RNF141: variants seen among roughly 807,000 people sequenced by gnomAD.
RNF141 encodes C3HC4-like zinc finger protein.
A neutral mutation model predicts 27.4 loss-of-function variants in RNF141; 18 were observed. The ratio of observed to expected loss-of-function variants is 0.66; its 90% CI spans 0.45 to 0.97. RNF141 has a LOEUF of 0.97. Among genes scored for constraint, RNF141 ranks in the 50% least tolerant of loss-of-function variants. RNF141 has a pLI of 0.00. For synonymous variants in RNF141, 97 were observed against 96.6 expected (o/e 1.00, Z -0.02); for missense variants, 230 against 279.4 (o/e 0.82, Z 1.26).
chr11:10,519,012 A>G (rs756787742), intron 5 of RNF141, 22 bp downstream of exon 5: 4 of 1,595,612 alleles, frequency 2.5e-6, no homozygotes, highest in Non-Finnish European at 3.4e-6. Flanking sequence ...GGCCCAGCCC[A>G]TGAATGCAGT....
intron 4 of RNF141, among the ~76,000 whole-genome samples, chr11:10,521,921 A>C (rs1311352732): frequency 1.3e-5 from 2 of 152,330 alleles, no homozygotes; most frequent in East Asian, 3.9e-4. Flanking sequence ...TGTCCTGACA[A>C]GCAAACTACA....
intron 1 of RNF141, among the ~76,000 whole-genome samples, chr11:10,539,338 T>C (rs1850065056): frequency 6.6e-6 from 1 of 152,028 alleles, no homozygotes; most frequent in African/African-American, 2.4e-5. Context: ...AATGACTAAA[T>C]GACAAGTACT....
chr11:10,519,368 AG>A (rs762349256), intron 4 of RNF141, among the ~76,000 whole-genome samples: 22 of 152,212 alleles, frequency 1.4e-4, no homozygotes, highest in Non-Finnish European at 3.1e-4. Context: ...ACTAGATAAA[AG>A]ATACATTTTG....
chr11:10,539,664 A>G (rs1031024178), intron 1 of RNF141, among the ~76,000 whole-genome samples: 1 of 135,726 alleles, frequency 7.4e-6, no homozygotes, highest in African/African-American at 2.8e-5. Flanking sequence ...TCCAGAATCA[A>G]AGATCTTGAT....
chr11:10,523,624 G>GA (rs1305891359), intron 4 of RNF141, among the ~76,000 whole-genome samples: 2 of 152,188 alleles, frequency 1.3e-5, no homozygotes, highest in East Asian at 3.9e-4. Context: ...ATTATAAACT[G>GA]AAAAAACACA....
intron 2 of RNF141, among the ~76,000 whole-genome samples, chr11:10,533,238 A>G (rs1470199069): frequency 6.6e-6 from 1 of 152,194 alleles, no homozygotes; most frequent in African/African-American, 2.4e-5. Context: ...TTAAAAGCAC[A>G]GTGGTCTGGG....
chr11:10,539,569 T>C (rs970812907), intron 1 of RNF141, among the ~76,000 whole-genome samples: 1 of 149,782 alleles, frequency 6.7e-6, no homozygotes, highest in Non-Finnish European at 1.5e-5. Context: ...TAAACAGATA[T>C]CAACTTTTTT....
intron 2 of RNF141, chr11:10,532,039 CTG>C (rs1232474026): frequency 6.7e-6 from 3 of 449,810 alleles, no homozygotes; most frequent in Non-Finnish European, 1.3e-5. Flanking sequence ...AGGAAGACCT[CTG>C]TATCACACAG....
intron 2 of RNF141, among the ~76,000 whole-genome samples, chr11:10,532,183 ATGTCATTGATTAC>A (rs2133974042): frequency 6.6e-6 from 1 of 152,302 alleles, no homozygotes; most frequent in Admixed American, 6.5e-5. Context: ...GGAATGGTAA[ATGTCATTGATTAC>A]TGCTCATAAG....
intron 4 of RNF141, among the ~76,000 whole-genome samples, chr11:10,524,888 T>C (rs999572363): frequency 6.6e-6 from 1 of 152,194 alleles, no homozygotes; most frequent in Non-Finnish European, 1.5e-5. Flanking sequence ...AGAACCTAAA[T>C]ACCTATTATA....
chr11:10,519,437 G>A (rs1288611510), intron 4 of RNF141, among the ~76,000 whole-genome samples: 1 of 152,158 alleles, frequency 6.6e-6, no homozygotes, highest in African/African-American at 2.4e-5. Context: ...AAACAATTTA[G>A]CCCATTTTAA....
At chr11:10,534,325 T>C in intron 1 of RNF141, 120 bp from the exon 2 acceptor site, 2 of 646,808 alleles carry the variant, frequency 3.1e-6, no homozygotes, top group East Asian at 5.5e-5. Flanking sequence ...TAGACCTACA[T>C]GAGTCTAAGG....
At chr11:10,535,219 A>G (rs542655692) in intron 1 of RNF141, among the ~76,000 whole-genome samples, 31 of 152,044 alleles carry the variant, frequency 2.0e-4, no homozygotes, top group African/African-American at 6.5e-4. Flanking sequence ...ATAAAGCTAT[A>G]AATTTAAAAT....
At chr11:10,517,438 T>C (rs528165296) in intron 5 of RNF141, 1 of 152,008 alleles carries the variant, frequency 6.6e-6, no homozygotes, top group Non-Finnish European at 1.5e-5. Context: ...GGAGAGAAGA[T>C]AGAAAAAAAT....
chr11:10,532,124 A>T, intron 2 of RNF141: 1 of 317,166 alleles, frequency 3.2e-6, no homozygotes, highest in South Asian at 2.5e-5. Flanking sequence ...AAAGGGCAAA[A>T]CTTCATACAA....
chr11:10,521,971 T>C (rs16907941), intron 4 of RNF141, among the ~76,000 whole-genome samples: 4,003 of 152,296 alleles, frequency 0.026, 74 homozygotes, highest in African/African-American at 0.057. Context: ...CCAACTGATA[T>C]GGTACTTCAG....
intron 1 of RNF141, among the ~76,000 whole-genome samples, chr11:10,534,725 G>C (rs569974932): frequency 1.3e-5 from 2 of 152,102 alleles, no homozygotes. Flanking sequence ...TTACACAGCT[G>C]TAAGTGGTGA....
rs1176403205 is a variant in RNF141, at chr11:10,513,744, A to G, written c.*1172T>C. 1 of 150,706 alleles carries G rather than the reference A, an allele frequency of 6.6e-6. No homozygotes were observed. Among genetic ancestry groups the G allele is most frequent in the East Asian group, 1.9e-4 (1 of 5,140 alleles). The allele number at this position is 150,706 out of a possible 1,614,324, so 9.3% of individuals were successfully genotyped here. A position where few individuals can be genotyped will look rare whatever the true frequency, so the allele number is the denominator to read the frequency against. On this transcript the variant is annotated 3_prime_UTR_variant, in exon 6 of 6. Transcript: ENST00000265981. ...TCCCAGGCTGGAGTGCAGTGGTGTG[A>G]TCTCGGCTCACTGCAACCTCCACCT...
At chr11:10,519,612 T>TA (rs1390907021) in intron 4 of RNF141, among the ~76,000 whole-genome samples, 11 of 152,246 alleles carry the variant, frequency 7.2e-5, no homozygotes, top group Admixed American at 7.2e-4. Context: ...ACCTAGGCTA[T>TA]ATGGCATAGT....
Sources: gnomAD v4.1 joint callset for allele counts (sites outside exome capture counted in the v4.1 genomes callset) on GRCh38, gnomAD v4.1.1 for gene constraint, MANE v1.5 for transcripts, NCBI Gene and HGNC (gene_info 2026-07-23, HGNC 2026-07-21) for gene names.